CHRDL1: variants seen among roughly 807,000 people sequenced by gnomAD.
CHRDL1 encodes the protein chordin like 1, also known as chordin-like protein 1.
Under a neutral mutation model 40.9 loss-of-function variants are expected in CHRDL1, and 19 were observed. The ratio of observed to expected loss-of-function variants is 0.46; its 90% CI spans 0.32 to 0.68. The LOEUF (loss-of-function observed/expected upper bound fraction) is 0.68, where lower values mean the gene tolerates loss of function less well. CHRDL1 is among the 30% of genes least tolerant of loss of function. The probability of loss-of-function intolerance (pLI) is 0.03; values close to 1 mark genes in which losing one functional copy is unlikely to be tolerated. For missense variants in CHRDL1, 329 were observed against 352.1 expected (o/e 0.93, Z 0.53); for synonymous variants, 136 against 123.4 (o/e 1.10, Z -0.68).
At chrX:110,749,465 A>C (rs1360507065) in intron 4 of CHRDL1, among the ~76,000 whole-genome samples, 2 of 111,897 alleles carry the variant, frequency 1.8e-5, no homozygotes, top group East Asian at 5.6e-4. Context: ...CAATTCTGGG[A>C]GCATAACTCT....
At chrX:110,790,707 G>A (rs749015804) in intron 2 of CHRDL1, among the ~76,000 whole-genome samples, 2 of 109,754 alleles carry the variant, frequency 1.8e-5, no homozygotes, top group Non-Finnish European at 3.8e-5. Context: ...CCAGCTAATT[G>A]TGAGCTGAGC....
At chrX:110,710,941 C>T (rs1426065135) in intron 6 of CHRDL1, among the ~76,000 whole-genome samples, 1 of 111,408 alleles carries the variant, frequency 9.0e-6, no homozygotes, top group Non-Finnish European at 1.9e-5. Context: ...ATTGGTTCCA[C>T]GACCCCCCAC....
intron 2 of CHRDL1, among the ~76,000 whole-genome samples, chrX:110,770,198 T>C (rs1445969019): frequency 8.9e-6 from 1 of 112,261 alleles, no homozygotes; most frequent in African/African-American, 3.2e-5. Flanking sequence ...TGTTAGAGGA[T>C]TAAATGAAGC....
At chrX:110,778,051 T>G (rs1316610214) in intron 2 of CHRDL1, among the ~76,000 whole-genome samples, 1 of 111,250 alleles carries the variant, frequency 9.0e-6, no homozygotes, top group Non-Finnish European at 1.9e-5. Flanking sequence ...GCTCGCCATA[T>G]GCAGAAGACT....
chrX:110,715,859 A>G (rs775294219), intron 6 of CHRDL1, among the ~76,000 whole-genome samples: 1 of 112,325 alleles, frequency 8.9e-6, no homozygotes, highest in East Asian at 2.8e-4. Flanking sequence ...CACTGAAATT[A>G]AGTTGGGGCC....
At chrX:110,705,336 T>C (rs376537981) in intron 6 of CHRDL1, among the ~76,000 whole-genome samples, 2 of 76,470 alleles carry the variant, frequency 2.6e-5, no homozygotes. Flanking sequence ...CACACATATA[T>C]ATACACATAT....
At chrX:110,733,896 C>A (rs1271358799) in intron 4 of CHRDL1, among the ~76,000 whole-genome samples, 1 of 90,442 alleles carries the variant, frequency 1.1e-5, no homozygotes, top group African/African-American at 4.4e-5. Context: ...TGCTGTAGAT[C>A]GCACAGCCTG....
chrX:110,783,546 A>G (rs192648287), intron 2 of CHRDL1, among the ~76,000 whole-genome samples: 39 of 112,354 alleles, frequency 3.5e-4, no homozygotes, highest in African/African-American at 1.3e-3. Flanking sequence ...AATCAATAAC[A>G]CATAAAATCC....
At chrX:110,772,418 C>T (rs1469997715) in intron 2 of CHRDL1, among the ~76,000 whole-genome samples, 1 of 112,907 alleles carries the variant, frequency 8.9e-6, no homozygotes, top group African/African-American at 3.2e-5. Flanking sequence ...GCAGGCAAAT[C>T]GCTTGAGGCA....
intron 4 of CHRDL1, among the ~76,000 whole-genome samples, chrX:110,723,696 G>A: frequency 8.9e-6 from 1 of 111,792 alleles, no homozygotes; most frequent in Non-Finnish European, 1.9e-5. Context: ...AGAACATGAA[G>A]GCTATGCTGT....
chrX:110,741,466 A>G (rs1047536508), intron 4 of CHRDL1, among the ~76,000 whole-genome samples: 6 of 110,695 alleles, frequency 5.4e-5, no homozygotes, highest in Admixed American at 9.6e-5. Context: ...TGGGAGGTAC[A>G]GTTTGTCCAC....
At chrX:110,682,711 T>C (rs758994562) in intron 9 of CHRDL1, among the ~76,000 whole-genome samples, 2 of 112,385 alleles carry the variant, frequency 1.8e-5, no homozygotes, top group South Asian at 3.7e-4. Context: ...AAATTGCTAT[T>C]GTATGTCTCT....
intron 8 of CHRDL1, among the ~76,000 whole-genome samples, chrX:110,690,207 G>A (rs768968996): frequency 1.9e-5 from 2 of 103,488 alleles, no homozygotes; most frequent in East Asian, 2.9e-4. Flanking sequence ...CACCACGCCC[G>A]GCTAACTTTT....
At chrX:110,744,571 T>G in intron 4 of CHRDL1, among the ~76,000 whole-genome samples, 1 of 111,477 alleles carries the variant, frequency 9.0e-6, no homozygotes. Flanking sequence ...GTTCCATGAG[T>G]AGAGATGGAG....
At chrX:110,678,825 G>A (rs924748363) in intron 11 of CHRDL1, among the ~76,000 whole-genome samples, 3 of 110,997 alleles carry the variant, frequency 2.7e-5, no homozygotes, top group Admixed American at 9.7e-5. Context: ...GAAAGTGGGA[G>A]AGCTGCAAGT....
chrX:110,711,039 T>C (rs966703108), intron 6 of CHRDL1, among the ~76,000 whole-genome samples: 2 of 111,792 alleles, frequency 1.8e-5, no homozygotes, highest in African/African-American at 6.5e-5. Context: ...CCATATACTT[T>C]AAATAATCTC....
chrX:110,729,632 G>C lies in CHRDL1; in HGVS notation c.302-8102C>G, dbSNP rs1161153412. On this transcript the variant is annotated intron_variant, in intron 4 of 11. Transcript: ENST00000372042. Reference sequence around the variant, plus strand: ...GTTTTATTCATAATGAGGCTGTAGAGCACCGGGTAAAGAGTGTGAAACTTT... The same window carrying C: ...GTTTTATTCATAATGAGGCTGTAGACCACCGGGTAAAGAGTGTGAAACTTT... Among the ~76,000 whole-genome samples, 3 of 111,953 alleles carry C rather than the reference G, an allele frequency of 2.7e-5. No individual in the cohort carries two copies. In the Admixed American group the frequency reaches 2.8e-4, roughly 11 times the overall value.
chrX:110,694,629 G>A (rs990846285), intron 7 of CHRDL1, among the ~76,000 whole-genome samples: 4 of 112,221 alleles, frequency 3.6e-5, no homozygotes, highest in Non-Finnish European at 5.6e-5. Context: ...AGGCTAAAGC[G>A]TCCTTCCTGC....
At chrX:110,759,229 G>A (rs771856268) in intron 4 of CHRDL1, among the ~76,000 whole-genome samples, 15 of 112,030 alleles carry the variant, frequency 1.3e-4, no homozygotes, top group Non-Finnish European at 1.5e-4. Flanking sequence ...ACCTCACTGG[G>A]TCAGCTCCTT....
Sources: allele counts gnomAD v4.1 joint callset (sites outside exome capture counted in the v4.1 genomes callset), GRCh38; gene constraint gnomAD v4.1.1; transcripts MANE v1.5; gene names NCBI Gene and HGNC (gene_info 2026-07-23, HGNC 2026-07-21).